Variants in ANKFN1 observed in about 807,000 individuals in gnomAD.
ANKFN1 encodes the protein ankyrin repeat and fibronectin type-III domain-containing protein 1.
A neutral mutation model predicts 108.7 loss-of-function variants in ANKFN1; 74 were observed. The ratio of observed to expected loss-of-function variants is 0.68; its 90% CI spans 0.56 to 0.83. ANKFN1 has a LOEUF of 0.83. Ranked by LOEUF, ANKFN1 falls within the 40% of genes least tolerant of loss-of-function variation. ANKFN1 has a pLI of 0.00. For synonymous variants in ANKFN1, 547 were observed against 516.2 expected (o/e 1.06, Z -0.81); for missense variants, 1,505 against 1,382.3 (o/e 1.09, Z -1.41).
chr17:56,466,322 C>T (rs756392354), intron 14 of ANKFN1, 34 bp from the exon 15 acceptor site: 6 of 1,555,910 alleles, frequency 3.9e-6, no homozygotes, highest in Non-Finnish European at 4.4e-6. Context: ...TAGCATAATA[C>T]CCTCTATGCT....
chr17:56,371,008 G>A (rs1466195351), intron 6 of ANKFN1, among the ~76,000 whole-genome samples: 1 of 151,550 alleles, frequency 6.6e-6, no homozygotes, highest in African/African-American at 2.4e-5. Context: ...TACGTCCACA[G>A]CACTTATATT....
chr17:56,277,350 C>A (rs2043961440), intron 3 of ANKFN1, among the ~76,000 whole-genome samples: 1 of 152,112 alleles, frequency 6.6e-6, no homozygotes, highest in South Asian at 2.1e-4. Context: ...GGACATCAAT[C>A]TTGTAAGCTC....
chr17:56,466,324 C>T, intron 14 of ANKFN1, 32 bp from the exon 15 acceptor site: 1 of 1,569,292 alleles, frequency 6.4e-7, no homozygotes, highest in Non-Finnish European at 8.8e-7. Context: ...GCATAATACC[C>T]TCTATGCTAC....
rs1414778938 is a variant in ANKFN1 at position 56,349,642 on chromosome 17, C to T, written c.189-1124C>T. 1.3e-5 allele frequency among the ~76,000 whole-genome samples: 2 copies of T among 152,062 alleles called. 1 individual carries two copies. The highest frequency in any genetic ancestry group is 2.9e-5 in the Non-Finnish European group (2 of 68,016). On this transcript the variant is annotated intron_variant, in intron 4 of 20. Coordinates refer to ENST00000682825, the MANE Select transcript of ANKFN1 (RefSeq NM_001370326.1). ...AAAAATATTAGCTACTATGAGTCTTCCTAGATACTAGGCTCCTAAATATTT... is the reference window on the plus strand; with the variant it reads ...AAAAATATTAGCTACTATGAGTCTTTCTAGATACTAGGCTCCTAAATATTT...
intron 4 of ANKFN1, among the ~76,000 whole-genome samples, chr17:56,090,297 A>G (rs1905388763): frequency 6.6e-6 from 1 of 151,186 alleles, no homozygotes; most frequent in Non-Finnish European, 1.5e-5. Context: ...AAAATTTTGG[A>G]GGAGAAAAGC....
At chr17:56,146,632 C>A (rs1463157588) in intron 4 of ANKFN1, among the ~76,000 whole-genome samples, 1 of 152,196 alleles carries the variant, frequency 6.6e-6, no homozygotes, top group Non-Finnish European at 1.5e-5. Context: ...TGTGCATTGG[C>A]CCCTTTTAGC....
chr17:56,080,738 C>T (rs12601157), intron 4 of ANKFN1, among the ~76,000 whole-genome samples: 84,546 of 152,054 alleles, frequency 0.56, 24,958 homozygotes, highest in Non-Finnish European at 0.68. Flanking sequence ...CTATTATGCT[C>T]TATTGCCCCT....
At chr17:56,456,134 A>G (rs2145229537) in intron 11 of ANKFN1, among the ~76,000 whole-genome samples, 1 of 152,342 alleles carries the variant, frequency 6.6e-6, no homozygotes, top group Non-Finnish European at 1.5e-5. Context: ...CACAATACGT[A>G]GACTTACAGG....
rs1383728412 is a variant in ANKFN1 at position 56,104,283 on chromosome 17, C to A, written c.288+57958C>A. On this transcript the variant is annotated intron_variant, in intron 4 of 12. Coordinates refer to the ANKFN1 transcript ENST00000635860. ...AAAGCACAAGGCATTCCAATACTTT[C>A]TTTTCTAGTCTATTTCATTTTTTAA... Among the ~76,000 whole-genome samples the A allele has an allele frequency of 2.6e-5, 4 of 152,190 alleles. No homozygotes were observed. The East Asian group carries it at 7.7e-4, about 29-fold the overall frequency.
At chr17:56,430,474 T>C (rs2048716451) in intron 8 of ANKFN1, among the ~76,000 whole-genome samples, 1 of 148,750 alleles carries the variant, frequency 6.7e-6, no homozygotes, top group Non-Finnish European at 1.5e-5. Flanking sequence ...AAAAATTTGC[T>C]AAGAGGGTAG....
At chr17:56,318,465 G>T (rs922707028) in intron 3 of ANKFN1, among the ~76,000 whole-genome samples, 1 of 152,070 alleles carries the variant, frequency 6.6e-6, no homozygotes, top group Admixed American at 6.6e-5. Flanking sequence ...CATGCACAGG[G>T]CCCCAGTCCA....
chr17:56,447,083 C>T (rs116822793), intron 10 of ANKFN1, among the ~76,000 whole-genome samples: 1 of 151,628 alleles, frequency 6.6e-6, no homozygotes, highest in African/African-American at 2.4e-5. Flanking sequence ...ATTAACCAGG[C>T]CTGCTGGCAC....
At chr17:56,500,679 C>G (rs2051340537) in intron 20 of ANKFN1, among the ~76,000 whole-genome samples, 1 of 152,134 alleles carries the variant, frequency 6.6e-6, no homozygotes, top group African/African-American at 2.4e-5. Flanking sequence ...GCAGAGAAAG[C>G]AGATTGTACA....
chr17:56,464,910 G>A (rs1641996348), intron 14 of ANKFN1, among the ~76,000 whole-genome samples: 1 of 152,114 alleles, frequency 6.6e-6, no homozygotes. Flanking sequence ...CCAAATATAA[G>A]TAAAGGTTTA....
In ANKFN1 at chr17:56,499,090, C is replaced by T. The variant is rs2051289062; in HGVS notation, c.2636C>T (p.Thr879Ile). The change falls in exon 20 of 21, where the codon ACA becomes ATA. Residue 879 changes from threonine to isoleucine, a missense_variant. Transcript: ENST00000682825. ...TCCCCAGAGATGCACAGAAGAAAGA[C>T]AGTGAGTGGTAAGCAATGAGATCTG... ...PPSPEMHRRK[T>I]VSDSQPCSDE... 2.6e-6 allele frequency: 4 copies of T among 1,535,350 alleles called. No homozygotes were observed. In the South Asian group the frequency reaches 3.6e-5, roughly 14 times the overall value.
intron 8 of ANKFN1, among the ~76,000 whole-genome samples, chr17:56,376,764 G>C (rs1482961670): frequency 1.3e-5 from 2 of 152,178 alleles, no homozygotes; most frequent in Admixed American, 1.3e-4. Context: ...TTCTGTTAGA[G>C]ACTGGAGGGG....
chr17:56,179,032 A>G (rs1165061365), intron 1 of ANKFN1, among the ~76,000 whole-genome samples: 2 of 152,190 alleles, frequency 1.3e-5, no homozygotes, highest in Admixed American at 1.3e-4. Context: ...TGCTAAAGAA[A>G]TTTCCAGTTA....
At chr17:56,353,478 C>T (rs1358474620) in intron 5 of ANKFN1, among the ~76,000 whole-genome samples, 1 of 152,164 alleles carries the variant, frequency 6.6e-6, no homozygotes, top group Admixed American at 6.5e-5. Flanking sequence ...CTCAAGTGAT[C>T]TGCCCACCTT....
intron 1 of ANKFN1, among the ~76,000 whole-genome samples, chr17:56,169,445 T>C (rs1384893721): frequency 6.6e-6 from 1 of 152,130 alleles, no homozygotes; most frequent in Non-Finnish European, 1.5e-5. Flanking sequence ...AATTTTTTAA[T>C]GTTTTATTGA....
Sources: allele counts gnomAD v4.1 joint callset (sites outside exome capture counted in the v4.1 genomes callset), GRCh38; gene constraint gnomAD v4.1.1; transcripts MANE v1.5; gene names NCBI Gene and HGNC (gene_info 2026-07-23, HGNC 2026-07-21).